Variants in DDC observed in about 807,000 individuals in gnomAD.
DDC encodes the protein dopa decarboxylase, also known as aromatic-L-amino-acid decarboxylase.
Under a neutral mutation model 60.0 loss-of-function variants are expected in DDC, and 43 were observed. That is an observed-to-expected ratio of 0.72 (90% CI 0.56 to 0.92). The LOEUF (loss-of-function observed/expected upper bound fraction) is 0.92. DDC is among the 40% of genes least tolerant of loss of function. The pLI is 0.00. For missense variants in DDC, 573 were observed against 620.2 expected (o/e 0.92, Z 0.81); for synonymous variants, 232 against 234.6 (o/e 0.99, Z 0.10).
At chr7:50,553,512 AG>A (rs2045082563) in intron 1 of DDC, among the ~76,000 whole-genome samples, 1 of 97,134 alleles carries the variant, frequency 1.0e-5, no homozygotes, top group African/African-American at 4.1e-5. Flanking sequence ...TTTGAGATGG[AG>A]TCTTGCTCTG....
At chr7:50,460,241 C>T in intron 14 of DDC, among the ~76,000 whole-genome samples, 1 of 142,588 alleles carries the variant, frequency 7.0e-6, no homozygotes, top group Non-Finnish European at 1.5e-5. Context: ...GGTGGGGGGT[C>T]AGCCCCTGGC....
At chr7:50,549,394 T>C (rs1466530307) in intron 1 of DDC, among the ~76,000 whole-genome samples, 7 of 152,212 alleles carry the variant, frequency 4.6e-5, no homozygotes, top group Non-Finnish European at 7.3e-5. Context: ...GGCTCACTCC[T>C]GTAATCCCAG....
intron 8 of DDC, 78 bp from the exon 9 acceptor site, chr7:50,495,495 T>C (rs1187331008): frequency 2.5e-6 from 3 of 1,183,876 alleles, no homozygotes; most frequent in South Asian, 1.3e-5. Context: ...CCATACATGA[T>C]AATAAAAGTT....
At chr7:50,478,653 A>G (rs905942371) in intron 10 of DDC, among the ~76,000 whole-genome samples, 1 of 152,236 alleles carries the variant, frequency 6.6e-6, no homozygotes, top group African/African-American at 2.4e-5. Context: ...GTTAACATAA[A>G]GAAATGACAA....
At chr7:50,505,545 T>C (rs1315910815) in intron 6 of DDC, among the ~76,000 whole-genome samples, 5 of 152,348 alleles carry the variant, frequency 3.3e-5, no homozygotes, top group African/African-American at 1.2e-4. Flanking sequence ...CCATTTCACC[T>C]ATGACTGCCT....
chr7:50,478,842 G>A (rs1200150223), intron 10 of DDC, among the ~76,000 whole-genome samples: 1 of 152,066 alleles, frequency 6.6e-6, no homozygotes, highest in Non-Finnish European at 1.5e-5. Context: ...GAACAAGACT[G>A]GTAAGAAATA....
At chr7:50,500,201 A>T (rs1411578015) in intron 7 of DDC, among the ~76,000 whole-genome samples, 2 of 151,910 alleles carry the variant, frequency 1.3e-5, no homozygotes, top group Admixed American at 1.3e-4. Context: ...CAGGGTCAGC[A>T]TATGCATTTG....
intron 6 of DDC, among the ~76,000 whole-genome samples, chr7:50,525,197 A>G (rs560745542): frequency 2.6e-5 from 4 of 152,326 alleles, no homozygotes; most frequent in Non-Finnish European, 4.4e-5. Flanking sequence ...GAGATCAGGA[A>G]GGTGAGAGTG....
intron 1 of DDC, among the ~76,000 whole-genome samples, chr7:50,557,638 C>T (rs2045227621): frequency 6.6e-6 from 1 of 152,180 alleles, no homozygotes; most frequent in Non-Finnish European, 1.5e-5. Flanking sequence ...TCACCGTGTT[C>T]CTATGACACC....
At chr7:50,519,485 C>T (rs2043829178) in intron 6 of DDC, among the ~76,000 whole-genome samples, 1 of 152,158 alleles carries the variant, frequency 6.6e-6, no homozygotes. Flanking sequence ...AATCGTGGAA[C>T]CAACCAAATG....
chr7:50,484,454 G>C (rs2122822), intron 9 of DDC, among the ~76,000 whole-genome samples: 83,814 of 151,934 alleles, frequency 0.55, 23,298 homozygotes, highest in Admixed American at 0.62. Context: ...TTGGTTGCAT[G>C]TTTCTTTTTG....
chr7:50,461,432 A>G (rs115173858), intron 14 of DDC, among the ~76,000 whole-genome samples: 1 of 152,266 alleles, frequency 6.6e-6, no homozygotes, highest in Non-Finnish European at 1.5e-5. Context: ...TTACTATTGT[A>G]TCACATATCT....
At chr7:50,485,703 C>G (rs1178163133) in intron 9 of DDC, among the ~76,000 whole-genome samples, 3 of 152,142 alleles carry the variant, frequency 2.0e-5, no homozygotes, top group Non-Finnish European at 4.4e-5. Flanking sequence ...TAAGGTAGAT[C>G]ACGTTACTGT....
At chr7:50,459,002 G>T (rs1056471174) in intron 14 of DDC, among the ~76,000 whole-genome samples, 159 bp from the exon 15 acceptor site, 2 of 150,112 alleles carry the variant, frequency 1.3e-5, no homozygotes, top group Admixed American at 1.3e-4. Context: ...TCCCACTGAT[G>T]CCCAGCCGAA....
At chr7:50,553,827 C>T (rs2045093081) in intron 1 of DDC, among the ~76,000 whole-genome samples, 1 of 152,000 alleles carries the variant, frequency 6.6e-6, no homozygotes, top group Admixed American at 6.6e-5. Context: ...GGTTCAAAGA[C>T]CATAAAAATA....
At chr7:50,544,217 T>A in intron 1 of DDC, 104 bp from the exon 2 acceptor site, 1 of 858,318 alleles carries the variant, frequency 1.2e-6, no homozygotes, top group Non-Finnish European at 1.9e-6. Flanking sequence ...AGTGACTGCA[T>A]GCCCTGGAGG....
intron 6 of DDC, among the ~76,000 whole-genome samples, chr7:50,514,597 G>A (rs769460611): frequency 6.6e-6 from 1 of 152,226 alleles, no homozygotes; most frequent in Non-Finnish European, 1.5e-5. Context: ...CAAGAAGTAA[G>A]AGGAGAAATA....
chr7:50,554,808 C>T (rs1167029524), intron 1 of DDC, among the ~76,000 whole-genome samples: 1 of 152,152 alleles, frequency 6.6e-6, no homozygotes, highest in African/African-American at 2.4e-5. Flanking sequence ...GTCACTGAGG[C>T]CCTTAGCACA....
intron 13 of DDC, among the ~76,000 whole-genome samples, chr7:50,465,325 T>C (rs750951418): frequency 2.1e-4 from 32 of 152,182 alleles, no homozygotes; most frequent in Non-Finnish European, 3.8e-4. Context: ...TAGAATTAGA[T>C]TGTGGTGATG....
Sources: allele counts gnomAD v4.1 joint callset (sites outside exome capture counted in the v4.1 genomes callset), GRCh38; gene constraint gnomAD v4.1.1; transcripts MANE v1.5; gene names NCBI Gene and HGNC (gene_info 2026-07-23, HGNC 2026-07-21).